The following TRIM7 variants were observed in gnomAD, a reference collection of about 807,000 sequenced individuals.
The protein encoded by TRIM7 is tripartite motif containing 7.
A neutral mutation model predicts 37.9 loss-of-function variants in TRIM7; 32 were observed. The ratio of observed to expected loss-of-function variants is 0.84; its 90% confidence interval spans 0.64 to 1.13. The LOEUF (loss-of-function observed/expected upper bound fraction) is 1.13, where lower values mean the gene tolerates loss of function less well. TRIM7 is among the 50% of genes most tolerant of loss of function. TRIM7 has a pLI of 0.00. For synonymous variants in TRIM7, 351 were observed against 321.3 expected (o/e 1.09, Z -0.99); for missense variants, 732 against 714.0 (o/e 1.03, Z -0.29).
intron 1 of TRIM7, chr5:181,204,316 C>T: frequency 8.5e-7 from 1 of 1,172,146 alleles, no homozygotes; most frequent in Non-Finnish European, 1.1e-6. Flanking sequence ...AAGAACATCG[C>T]CAAGTCCGTG....
At chr5:181,200,701 A>G in intron 2 of TRIM7, 1 of 990,720 alleles carries the variant, frequency 1.0e-6, no homozygotes, top group South Asian at 4.6e-5. Flanking sequence ...TGTTCTTTCC[A>G]TTAACAGCAT....
chr5:181,203,580 G>T lies in TRIM7; in HGVS notation c.583C>A (p.Arg195=), dbSNP rs767501827. 3 of 1,613,906 alleles carry T rather than the reference G, an allele frequency of 1.9e-6. No individual in the cohort carries two copies. The highest frequency in any genetic ancestry group is 2.2e-5 in the East Asian group (1 of 44,896). The change falls in exon 2 of 7, where the codon CGG becomes AGG. Residue 195 remains arginine, a synonymous_variant. Coordinates refer to ENST00000274773, the MANE Select transcript of TRIM7 (RefSeq NM_203293.3). ...TTGCTCTCCTTCTTTTCCGTGGACC[G>T]GAACACCTCACAGTCCTCCAGTTCC... The part of the protein sequence containing the change: ...KKELEDCEVF[R]STEKKESKEL...
chr5:181,194,502 C>G lies in TRIM7; in HGVS notation c.*664G>C, dbSNP rs973480538. The stretch of plus-strand genomic sequence containing the variant: ...GTTTGTGAGAGCACGTGTTGGTTGT[C>G]GCATTGGTCAGGATGCACCCATCAC... On this transcript the variant is annotated 3_prime_UTR_variant, in exon 7 of 7. Coordinates refer to ENST00000274773, the MANE Select transcript of TRIM7 (RefSeq NM_203293.3). 2.0e-5 allele frequency: 3 copies of G among 152,400 alleles called. No homozygotes were observed. Among genetic ancestry groups the G allele is most frequent in the Non-Finnish European group, 4.4e-5 (3 of 68,120 alleles). 9.4% of individuals were successfully genotyped at this position (152,400 alleles called of 1,614,324 possible).
At position 181,194,354 on chromosome 5, in the gene TRIM7, C is replaced by T. The variant is rs1169591435; in HGVS notation, c.*812G>A. On this transcript the variant is annotated 3_prime_UTR_variant, in exon 7 of 7. Coordinates refer to ENST00000274773, the MANE Select transcript of TRIM7 (RefSeq NM_203293.3). ...AGGAGTTCAAGACCAGCCTGGGCAA[C>T]ATAGCAAGACCCAGTCTCTTAAAAG... is the stretch of plus-strand genomic sequence containing the variant. 6.6e-6 allele frequency: 1 copy of T among 152,368 alleles called. No homozygotes were observed. Among genetic ancestry groups the T allele is most frequent in the Non-Finnish European group, 1.5e-5 (1 of 68,170 alleles). 9.4% of individuals were successfully genotyped at this position (152,368 alleles called of 1,614,324 possible).
rs749406465 is a variant in TRIM7 at position 181,195,214 on chromosome 5, C to G, written c.1488G>C (p.Pro496=). ...FRVNFQERVF[P]LFSVCSTGTY... ...TGCCCGTGGAGCAAACAGAGAAAAGCGGGAACACGCGCTCCTGGAAGTTGA... is the reference window on the plus strand; with the variant it reads ...TGCCCGTGGAGCAAACAGAGAAAAGGGGGAACACGCGCTCCTGGAAGTTGA... The change falls in exon 7 of 7, where the codon CCG becomes CCC. Residue 496 remains proline (P), a synonymous_variant. Coordinates refer to ENST00000274773, the MANE Select transcript of TRIM7 (RefSeq NM_203293.3). 1.9e-5 allele frequency: 31 copies of G among 1,611,918 alleles called. No homozygotes were observed. Among genetic ancestry groups the G allele is most frequent in the Non-Finnish European group, 2.6e-5 (31 of 1,178,942 alleles).
intron 2 of TRIM7, among the ~76,000 whole-genome samples, chr5:181,201,690 G>A (rs574226541): frequency 2.0e-5 from 3 of 152,212 alleles, no homozygotes; most frequent in Non-Finnish European, 4.4e-5. Context: ...TCGCTTGAAC[G>A]ACTCCAGCCT....
rs1425040161 is a variant in TRIM7 at position 181,205,151 on chromosome 5, G to A, written c.-41C>T. The A allele has an allele frequency of 1.6e-6, 2 of 1,278,996 alleles. No individual in the cohort carries two copies. The highest frequency in any genetic ancestry group is 3.1e-5 in the East Asian group (1 of 31,826). The allele number at this position is 1,278,996 out of a possible 1,614,324, so 79.2% of individuals were successfully genotyped here. A position where few individuals can be genotyped will look rare whatever the true frequency, so the allele number is the denominator to read the frequency against. ...ACCCAGATCTGGTCGCGCCTGGGCG[G>A]CCACTGGACCTCACAGGACGCGGAG... On this transcript the variant is annotated 5_prime_UTR_variant, in exon 1 of 7. Coordinates refer to ENST00000274773, the MANE Select transcript of TRIM7 (RefSeq NM_203293.3).
Position 181,200,131 on chromosome 5 carries a change from AT to A in TRIM7, c.619-51del, listed in dbSNP as rs766622255. 8 of 1,614,176 alleles carry A rather than the reference AT, an allele frequency of 5.0e-6. No individual in the cohort carries two copies. The South Asian group carries it at 8.8e-5, about 18-fold the overall frequency. ...AGGGACTTGAACATGGAGACATAAC[AT>A]TTGGCCAGTGGCCTGAGTCATCCCA... is the stretch of plus-strand genomic sequence containing the variant. On this transcript the variant is annotated intron_variant, in intron 2 of 6. Transcript: ENST00000274773.
rs756317118 is a variant in TRIM7, at chr5:181,204,606, C to T, written c.505G>A (p.Ala169Thr). Residue 169 changes from alanine (A) to threonine (T), a missense_variant, in exon 1 of 7, where the codon GCG (alanine) becomes ACG (threonine). Ala to Thr is a moderately conservative substitution (Grantham distance 58). Coordinates refer to ENST00000274773, the MANE Select transcript of TRIM7 (RefSeq NM_203293.3). The part of the protein sequence containing the change: ...REHAVLPLDE[A>T]VQEAKELLES... ...GCGCTCACCTTGGCCTCCTGCACCGCCTCGTCCAGCGGCAGCACGGCGTGC... is the reference window on the plus strand; with the variant it reads ...GCGCTCACCTTGGCCTCCTGCACCGTCTCGTCCAGCGGCAGCACGGCGTGC... The T allele has an allele frequency of 2.4e-5, 35 of 1,452,666 alleles. No individual in the cohort carries two copies. The highest frequency in any genetic ancestry group is 2.8e-5 in the East Asian group (1 of 35,746). 90.0% of individuals were successfully genotyped at this position (1,452,666 alleles called of 1,614,324 possible).
At chr5:181,202,364 A>T (rs944007425) in intron 2 of TRIM7, 1 of 151,166 alleles carries the variant, frequency 6.6e-6, no homozygotes, top group Admixed American at 6.6e-5. Context: ...TTTTAAGTAG[A>T]GATGGGGTTG....
Position 181,198,776 on chromosome 5 carries a change from G to GT in TRIM7, c.901dup (p.Thr301AsnfsTer6). 6.2e-7 allele frequency: 1 copy of GT among 1,614,064 alleles called. No individual in the cohort carries two copies. Among genetic ancestry groups the GT allele is most frequent in the East Asian group, 2.2e-5 (1 of 44,886 alleles). On this transcript the variant is annotated frameshift_variant, in exon 5 of 7. Transcript: ENST00000274773. LOFTEE classifies it high-confidence loss of function. ...ATTCTTCATCTCAGAAGAGACTGTGGTTGGCTTGGGGCCAGGCACATTGCT... is the reference window on the plus strand; with the variant it reads ...ATTCTTCATCTCAGAAGAGACTGTGGTTTGGCTTGGGGCCAGGCACATTGCT...
At position 181,199,897 on chromosome 5, in the gene TRIM7, C is replaced by A; in HGVS notation, c.803G>T (p.Ser268Ile). 1 of 1,614,234 alleles carries A rather than the reference C, an allele frequency of 6.2e-7. No homozygotes were observed. Among genetic ancestry groups the A allele is most frequent in the Non-Finnish European group, 8.5e-7 (1 of 1,180,034 alleles). Residue 268 changes from serine (S) to isoleucine (I), a missense_variant, in exon 3 of 7, where the codon AGC becomes ATC. Ser to Ile is a moderately radical substitution (Grantham distance 142, BLOSUM62 -2). Transcript: ENST00000274773. ...CTTTTGAGCTGTCTCCTGGATCTGGCTGCTGAGCTTGGACAGCTGGGTGAT... is the reference window on the plus strand; with the variant it reads ...CTTTTGAGCTGTCTCCTGGATCTGGATGCTGAGCTTGGACAGCTGGGTGAT... Reference protein sequence around the residue: ...VEITQLSKLSSQIQETAQKPD... With the variant: ...VEITQLSKLSIQIQETAQKPD...
rs191086244 is a variant in TRIM7 at position 181,195,785 on chromosome 5, G to A, written c.1025-108C>T. The A allele has an allele frequency of 2.0e-3, 2,836 of 1,419,252 alleles. 20 individuals carry two copies. The Middle Eastern group carries it at 0.027, about 14-fold the overall frequency. 87.9% of individuals were successfully genotyped at this position (1,419,252 alleles called of 1,614,324 possible). On this transcript the variant is annotated intron_variant, in intron 6 of 6. Transcript: ENST00000274773. ...TGCAACCTGCCTGCCTTTCCCTCTA[G>A]AATCCCCCCAGCACCCAGCGCCAAG...
chr5:181,204,540 A>G, intron 1 of TRIM7, 49 bp downstream of exon 1: 1 of 1,304,364 alleles, frequency 7.7e-7, no homozygotes, highest in Non-Finnish European at 9.7e-7. Context: ...GCGCGGGACC[A>G]AGTCAGGGGG....
chr5:181,205,130 A>T lies in TRIM7; in HGVS notation c.-20T>A. The T allele has an allele frequency of 7.7e-7, 1 of 1,294,036 alleles. No individual in the cohort carries two copies. Among genetic ancestry groups the T allele is most frequent in the Non-Finnish European group, 9.8e-7 (1 of 1,021,264 alleles). 80.2% of individuals were successfully genotyped at this position (1,294,036 alleles called of 1,614,324 possible). On this transcript the variant is annotated 5_prime_UTR_variant, in exon 1 of 7. Coordinates refer to ENST00000274773, the MANE Select transcript of TRIM7 (RefSeq NM_203293.3). ...CGCCATGCGCGCTCTCCGCGCACCCAGATCTGGTCGCGCCTGGGCGGCCAC... is the reference window on the plus strand; with the variant it reads ...CGCCATGCGCGCTCTCCGCGCACCCTGATCTGGTCGCGCCTGGGCGGCCAC...
rs1219293639 is a variant in TRIM7 at position 181,195,488 on chromosome 5, G to A, written c.1214C>T (p.Ser405Phe). Residue 405 changes from serine to phenylalanine, a missense_variant, in exon 7 of 7, where the codon TCT becomes TTT. By Grantham distance (155) the Ser-to-Phe change is radical. Coordinates refer to ENST00000274773, the MANE Select transcript of TRIM7 (RefSeq NM_203293.3). ...GRHHWEVEVG[S>F]KDGWAFGVAR... Reference sequence around the variant, plus strand: ...CACGCCAAAGGCCCAGCCGTCCTTAGAGCCCACCTCCACCTCCCAGTGATG... The same window carrying A: ...CACGCCAAAGGCCCAGCCGTCCTTAAAGCCCACCTCCACCTCCCAGTGATG... 2 of 1,612,506 alleles carry A rather than the reference G, an allele frequency of 1.2e-6. No homozygotes were observed. The highest frequency in any genetic ancestry group is 2.7e-5 in the African/African-American group (2 of 74,934).
chr5:181,198,937 C>T, intron 4 of TRIM7, 132 bp from the exon 5 acceptor site: 1 of 1,200,924 alleles, frequency 8.3e-7, no homozygotes, highest in South Asian at 1.3e-5. Context: ...GCAGAAAAAC[C>T]CATGGCCAGG....
In TRIM7 at chr5:181,195,056, G is replaced by A. The variant is rs1757005831; in HGVS notation, c.*110C>T. ...TGTCTGTAGCAGGCTCTCTTGGGCA[G>A]CAGGGGTCAGGAGCACGGAGGGCAG... On this transcript the variant is annotated 3_prime_UTR_variant, in exon 7 of 7. Transcript: ENST00000274773. The A allele has an allele frequency of 3.7e-6, 5 of 1,361,096 alleles. No individual in the cohort carries two copies. The highest frequency in any genetic ancestry group is 2.9e-5 in the South Asian group (2 of 69,582). The allele number at this position is 1,361,096 out of a possible 1,614,324, so 84.3% of individuals were successfully genotyped here. A position where few individuals can be genotyped will look rare whatever the true frequency, so the allele number is the denominator to read the frequency against.
intron 2 of TRIM7, 126 bp downstream of exon 2, chr5:181,203,419 T>G: frequency 2.6e-6 from 4 of 1,527,286 alleles, no homozygotes; most frequent in Non-Finnish European, 3.5e-6. Context: ...ATGGACTCTA[T>G]TATCTTTCTG....
Sources: allele counts gnomAD v4.1 joint callset (sites outside exome capture counted in the v4.1 genomes callset), GRCh38; gene constraint gnomAD v4.1.1; transcripts MANE v1.5; gene names NCBI Gene and HGNC (gene_info 2026-07-23, HGNC 2026-07-21).